Variants in ATF6 observed in about 807,000 individuals in gnomAD.
The protein encoded by ATF6 is cyclic AMP-dependent transcription factor ATF-6 alpha.
In ATF6, 53 loss-of-function variants were observed where a neutral mutation model predicts 83.6. That is an observed-to-expected ratio of 0.63 (90% CI 0.51 to 0.80). The LOEUF (loss-of-function observed/expected upper bound fraction) is 0.80. Among genes scored for constraint, ATF6 ranks in the 30% least tolerant of loss-of-function variants. The pLI, the probability that ATF6 is intolerant of heterozygous loss-of-function variation, is 0.00. For synonymous variants in ATF6, 288 were observed against 285.8 expected (o/e 1.01, Z -0.08); for missense variants, 744 against 797.9 (o/e 0.93, Z 0.81).
chr1:161,895,561 A>G (rs1427596713), intron 14 of ATF6, among the ~76,000 whole-genome samples: 1 of 152,250 alleles, frequency 6.6e-6, no homozygotes, highest in East Asian at 1.9e-4. Flanking sequence ...CCTAATTGTG[A>G]AAATGATACT....
chr1:161,862,080 A>G (rs1686898159), intron 13 of ATF6, among the ~76,000 whole-genome samples: 1 of 152,208 alleles, frequency 6.6e-6, no homozygotes, highest in Admixed American at 6.5e-5. Flanking sequence ...GAAATATTGT[A>G]ACCAGAGGCT....
chr1:161,833,980 G>A (rs1407901591), intron 9 of ATF6, among the ~76,000 whole-genome samples: 1 of 152,146 alleles, frequency 6.6e-6, no homozygotes, highest in African/African-American at 2.4e-5. Flanking sequence ...TGAAATGAAG[G>A]AAAAAGTGTT....
chr1:161,768,495 G>T (rs980413424), intron 1 of ATF6, among the ~76,000 whole-genome samples: 1 of 152,178 alleles, frequency 6.6e-6, no homozygotes, highest in African/African-American at 2.4e-5. Flanking sequence ...GTCTGATAGT[G>T]TTTCGTTCTG....
chr1:161,850,471 A>G (rs1686594516), intron 10 of ATF6, among the ~76,000 whole-genome samples: 1 of 152,112 alleles, frequency 6.6e-6, no homozygotes. Flanking sequence ...TTTTATCTAA[A>G]GTATATACTA....
chr1:161,839,141 A>G (rs920860795), intron 9 of ATF6, among the ~76,000 whole-genome samples: 2 of 152,204 alleles, frequency 1.3e-5, no homozygotes, highest in Admixed American at 1.3e-4. Flanking sequence ...CAAGAGGCAG[A>G]TGGTGCATGA....
At chr1:161,869,468 T>C (rs750222224) in intron 14 of ATF6, among the ~76,000 whole-genome samples, 16 of 152,032 alleles carry the variant, frequency 1.1e-4, no homozygotes, top group Middle Eastern at 3.4e-3. Flanking sequence ...ACATAGATGT[T>C]GGAGTTTGGC....
At chr1:161,899,515 A>G (rs914696352) in intron 14 of ATF6, among the ~76,000 whole-genome samples, 3 of 152,212 alleles carry the variant, frequency 2.0e-5, no homozygotes, top group African/African-American at 7.2e-5. Context: ...TTGGTACTTA[A>G]AAAGTTAGTT....
rs146487070 is a variant in ATF6 at position 161,803,471 on chromosome 1, G to C, written c.909+1199G>C. 3.4e-3 allele frequency among the ~76,000 whole-genome samples: 524 copies of C among 152,290 alleles called. 1 individual carries two copies. The highest frequency in any genetic ancestry group is 0.012 in the African/African-American group (496 of 41,544). ...TTAGGCTTGACTGTTATGTTGGTTT[G>C]TTTTGAGGACTAGAAGAGGTAAGCA... On this transcript the variant is annotated intron_variant, in intron 7 of 15. Transcript: ENST00000367942.
chr1:161,818,824 G>C (rs545329532), intron 7 of ATF6, among the ~76,000 whole-genome samples: 11 of 152,324 alleles, frequency 7.2e-5, no homozygotes, highest in African/African-American at 2.6e-4. Flanking sequence ...TAAAAGAAAA[G>C]ATGGGTAGCA....
In ATF6 at chr1:161,921,447, C is replaced by T. The variant is rs1184690010; in HGVS notation, c.1804+9067C>T. Reference sequence around the variant, plus strand: ...AGATACTAGGATAGATACTTTGGAACAATCTCAAGATGAGGTGATTCAAAG... The same window carrying T: ...AGATACTAGGATAGATACTTTGGAATAATCTCAAGATGAGGTGATTCAAAG... On this transcript the variant is annotated intron_variant, in intron 15 of 15. Coordinates refer to ENST00000367942, the MANE Select transcript of ATF6 (RefSeq NM_007348.4). Among the ~76,000 whole-genome samples, 5 of 151,946 alleles carry T rather than the reference C, an allele frequency of 3.3e-5. 1 individual carries two copies. The highest frequency in any genetic ancestry group is 1.3e-4 in the Admixed American group (2 of 15,268).
chr1:161,769,756 G>A (rs1029214080), intron 1 of ATF6, among the ~76,000 whole-genome samples: 7 of 151,818 alleles, frequency 4.6e-5, no homozygotes, highest in South Asian at 2.1e-4. Context: ...CATAAGGAGC[G>A]TGCACTCTAG....
chr1:161,801,525 C>T lies in ATF6; in HGVS notation c.689-527C>T, dbSNP rs148141192. On this transcript the variant is annotated intron_variant, in intron 6 of 15. Transcript: ENST00000367942. ...GCCTTGGCTGGTCTCAAACTGCTGGCCTCCCAAAGCACTGGGATTACAGGT... is the reference window on the plus strand; with the variant it reads ...GCCTTGGCTGGTCTCAAACTGCTGGTCTCCCAAAGCACTGGGATTACAGGT... Among the ~76,000 whole-genome samples the T allele has an allele frequency of 1.6e-3, 244 of 152,042 alleles. 1 individual carries two copies. Among genetic ancestry groups the T allele is most frequent in the Middle Eastern group, 3.4e-3 (1 of 294 alleles).
chr1:161,951,475 C>T (rs1414070712), intron 15 of ATF6, among the ~76,000 whole-genome samples: 1 of 152,154 alleles, frequency 6.6e-6, no homozygotes, highest in African/African-American at 2.4e-5. Context: ...AGGTTGTGTT[C>T]TATATTTTCA....
Position 161,909,632 on chromosome 1 carries a change from C to G in ATF6, c.1720-2664C>G, listed in dbSNP as rs192554967. Among the ~76,000 whole-genome samples the G allele has an allele frequency of 2.0e-4, 30 of 152,108 alleles. 1 individual carries two copies. The East Asian group carries it at 5.8e-3, about 29-fold the overall frequency. ...CTGTAGCACAGTGCTGAATACATGA[C>G]AGGACACTGTGCTCAGTAAATTTTT... On this transcript the variant is annotated intron_variant, in intron 14 of 15. Transcript: ENST00000367942.
At chr1:161,871,839 T>TA (rs1558005008) in intron 14 of ATF6, among the ~76,000 whole-genome samples, 1 of 147,314 alleles carries the variant, frequency 6.8e-6, no homozygotes, top group East Asian at 2.1e-4. Context: ...CTATAGTTTT[T>TA]ATCTGTGTGT....
chr1:161,956,307 C>A (rs760522041), intron 15 of ATF6, among the ~76,000 whole-genome samples: 1 of 152,182 alleles, frequency 6.6e-6, no homozygotes, highest in Non-Finnish European at 1.5e-5. Context: ...CACACACGCA[C>A]ACACAGCCCT....
chr1:161,801,939 T>TC, intron 6 of ATF6, 113 bp from the exon 7 acceptor site: 1 of 867,562 alleles, frequency 1.2e-6, no homozygotes, highest in Middle Eastern at 3.5e-4. Context: ...TGGTGTCCAA[T>TC]CCCTTGGTGT....
At chr1:161,771,468 G>T (rs1684387680) in intron 1 of ATF6, among the ~76,000 whole-genome samples, 1 of 152,164 alleles carries the variant, frequency 6.6e-6, no homozygotes, top group Admixed American at 6.5e-5. Flanking sequence ...TAGGGCCTCT[G>T]TTGGTGGGAT....
intron 14 of ATF6, among the ~76,000 whole-genome samples, chr1:161,880,825 A>T (rs898450455): frequency 1.3e-5 from 2 of 152,112 alleles, no homozygotes; most frequent in African/African-American, 2.4e-5. Flanking sequence ...CTACCAAACT[A>T]CTTTGGTACA....
Sources: gnomAD v4.1 joint callset for allele counts (sites outside exome capture counted in the v4.1 genomes callset) on GRCh38, gnomAD v4.1.1 for gene constraint, MANE v1.5 for transcripts, NCBI Gene and HGNC (gene_info 2026-07-23, HGNC 2026-07-21) for gene names.